The following KALRN variants were observed in gnomAD, a reference collection of about 807,000 sequenced individuals.
KALRN encodes kalirin RhoGEF kinase.
A neutral mutation model predicts 353.7 loss-of-function variants in KALRN; 70 were observed. That is an observed-to-expected ratio of 0.20 (90% confidence interval 0.16 to 0.24). The LOEUF (loss-of-function observed/expected upper bound fraction) is 0.24. Among genes scored for constraint, KALRN ranks in the 10% least tolerant of loss-of-function variants. KALRN has a pLI of 1.00. For missense variants in KALRN, 2,791 were observed against 3,756.7 expected (o/e 0.74, Z 6.72); for synonymous variants, 1,391 against 1,434.8 (o/e 0.97, Z 0.69).
In KALRN at chr3:124,520,654, C is replaced by T. The variant is rs572868105; in HGVS notation, c.4935+24241C>T. Among the ~76,000 whole-genome samples the T allele has an allele frequency of 2.8e-3, 430 of 152,276 alleles. 2 individuals are homozygous for T. The highest frequency in any genetic ancestry group is 9.8e-3 in the African/African-American group (408 of 41,556). ...TTGGGGACCACTGAGCTAAGGCACTCCCATGAGCTAGTAACAAACTTGGGC... is the reference window on the plus strand; with the variant it reads ...TTGGGGACCACTGAGCTAAGGCACTTCCATGAGCTAGTAACAAACTTGGGC... On this transcript the variant is annotated intron_variant, in intron 33 of 59. Transcript: ENST00000682506.
chr3:124,332,069 T>C (rs2080623540), intron 8 of KALRN, among the ~76,000 whole-genome samples: 1 of 152,186 alleles, frequency 6.6e-6, no homozygotes, highest in Admixed American at 6.5e-5. Context: ...GGGCATCACC[T>C]CTGCATTATG....
At chr3:124,569,794 C>G (rs2073314769) in intron 34 of KALRN, among the ~76,000 whole-genome samples, 1 of 152,172 alleles carries the variant, frequency 6.6e-6, no homozygotes, top group Non-Finnish European at 1.5e-5. Context: ...TCCCACTCTC[C>G]CTCTCACCTC....
chr3:124,287,736 A>G (rs538122765), intron 5 of KALRN, among the ~76,000 whole-genome samples: 4 of 110,632 alleles, frequency 3.6e-5, no homozygotes, highest in South Asian at 3.0e-4. Flanking sequence ...GAGAGCTTCT[A>G]TGGAATCAGA....
intron 5 of KALRN, among the ~76,000 whole-genome samples, chr3:124,277,312 G>C (rs2074851686): frequency 6.6e-6 from 1 of 152,110 alleles, no homozygotes; most frequent in South Asian, 2.1e-4. Flanking sequence ...AAAGGCTCCG[G>C]TGCCCTCTTG....
intron 49 of KALRN, among the ~76,000 whole-genome samples, chr3:124,676,431 G>A (rs574253938): frequency 6.6e-6 from 1 of 152,222 alleles, no homozygotes; most frequent in African/African-American, 2.4e-5. Context: ...CAGGATAAAC[G>A]TCACTGAAAC....
intron 33 of KALRN, among the ~76,000 whole-genome samples, chr3:124,506,216 A>G (rs1011979417): frequency 6.6e-6 from 1 of 152,104 alleles, no homozygotes; most frequent in Non-Finnish European, 1.5e-5. Context: ...TGGGGAGAAA[A>G]CTGCTAAAAG....
At chr3:124,694,771 C>T (rs1456884843) in intron 53 of KALRN, among the ~76,000 whole-genome samples, 1 of 152,210 alleles carries the variant, frequency 6.6e-6, no homozygotes, top group Non-Finnish European at 1.5e-5. Flanking sequence ...CTCAGCACCA[C>T]GTAGACATAC....
intron 1 of KALRN, among the ~76,000 whole-genome samples, chr3:124,223,206 C>T (rs1307824354): frequency 6.6e-6 from 1 of 151,836 alleles, no homozygotes; most frequent in East Asian, 1.9e-4. Context: ...CACTGAAGCC[C>T]GACATATGGC....
In KALRN at chr3:124,334,870, C is replaced by T. The variant is rs1000854916; in HGVS notation, c.1647+375C>T. 2.6e-5 allele frequency among the ~76,000 whole-genome samples: 4 copies of T among 152,210 alleles called. No homozygotes were observed. The highest frequency in any genetic ancestry group is 9.6e-5 in the African/African-American group (4 of 41,456). ...AGTATAGTGGTGTGATCTTGGCTCACTGCAACCTCCGCTTTCTGGGTTCAA... is the reference window on the plus strand; with the variant it reads ...AGTATAGTGGTGTGATCTTGGCTCATTGCAACCTCCGCTTTCTGGGTTCAA... On this transcript the variant is annotated intron_variant, in intron 9 of 59. Coordinates refer to ENST00000682506, the MANE Select transcript of KALRN (RefSeq NM_001388419.1). The surrounding 1 kb of genome is among the most constrained non-coding windows in gnomAD (Gnocchi z 4.2).
chr3:124,557,213 T>C (rs2071372498), intron 33 of KALRN, among the ~76,000 whole-genome samples: 1 of 152,228 alleles, frequency 6.6e-6, no homozygotes, highest in Admixed American at 6.5e-5. Context: ...GGTAGCTTTT[T>C]AACCCTCATC....
In KALRN at chr3:124,498,705, A is replaced by G. The variant is rs567487167; in HGVS notation, c.4935+2292A>G. On this transcript the variant is annotated intron_variant, in intron 33 of 59. Transcript: ENST00000682506. ...CCTTAGACATAGTCACACTTTCAAA[A>G]TAAGGGGAAGATCAGTCTAGTACTA... Among the ~76,000 whole-genome samples the G allele has an allele frequency of 1.2e-4, 19 of 152,306 alleles. No individual in the cohort carries two copies. The South Asian group carries it at 3.3e-3, about 27-fold the overall frequency.
chr3:124,150,999 A>G (rs189325979), intron 1 of KALRN, among the ~76,000 whole-genome samples: 213 of 152,280 alleles, frequency 1.4e-3, no homozygotes, highest in African/African-American at 4.8e-3. Flanking sequence ...CTTTTGTTCA[A>G]TGTTATGTAT....
intron 5 of KALRN, among the ~76,000 whole-genome samples, chr3:124,272,285 T>C (rs2074249552): frequency 6.6e-6 from 1 of 152,222 alleles, no homozygotes. Flanking sequence ...TAGTGATGAA[T>C]GTAAATAAAT....
chr3:124,286,143 T>TCTTTC (rs2075873564), intron 5 of KALRN, among the ~76,000 whole-genome samples: 2 of 142,286 alleles, frequency 1.4e-5, no homozygotes, highest in Non-Finnish European at 3.1e-5. Context: ...TTCTTTCCTT[T>TCTTTC]CTTTCTTTCC....
At chr3:124,187,351 G>A (rs971740101) in intron 1 of KALRN, among the ~76,000 whole-genome samples, 22 of 152,130 alleles carry the variant, frequency 1.4e-4, no homozygotes, top group African/African-American at 5.1e-4. Context: ...CAAAGTGCTG[G>A]GATTACAGGT....
intron 3 of KALRN, among the ~76,000 whole-genome samples, chr3:124,247,533 TA>T (rs1461792222): frequency 6.6e-6 from 1 of 152,154 alleles, no homozygotes; most frequent in African/African-American, 2.4e-5. Flanking sequence ...CTTTTTAAAA[TA>T]AAATCAAATT....
chr3:124,685,184 A>G (rs1333580070), intron 51 of KALRN, among the ~76,000 whole-genome samples: 2 of 152,088 alleles, frequency 1.3e-5, no homozygotes, highest in Admixed American at 1.3e-4. Flanking sequence ...ATTTTTGCAA[A>G]ATATTTTCTT....
chr3:124,674,280 T>G, intron 48 of KALRN, 84 bp from the exon 49 acceptor site: 4 of 1,450,632 alleles, frequency 2.8e-6, no homozygotes, highest in Non-Finnish European at 3.7e-6. Context: ...GATTTGGCCT[T>G]GAACCACTGG....
chr3:124,338,501 C>A (rs2081359112), intron 9 of KALRN, among the ~76,000 whole-genome samples: 1 of 152,188 alleles, frequency 6.6e-6, no homozygotes, highest in South Asian at 2.1e-4. Context: ...GTCTGAGAGA[C>A]TGCTTGTTAT....
Sources: allele counts gnomAD v4.1 joint callset (sites outside exome capture counted in the v4.1 genomes callset), GRCh38; gene constraint gnomAD v4.1.1; non-coding constraint Gnocchi (gnomAD v3.1); transcripts MANE v1.5; gene names NCBI Gene and HGNC (gene_info 2026-07-23, HGNC 2026-07-21).